MAGI1: variants seen among roughly 807,000 people sequenced by gnomAD.
MAGI1 encodes the protein membrane-associated guanylate kinase, WW and PDZ domain-containing protein 1.
MAGI1 carries 58 observed loss-of-function variants against 139.9 expected under a neutral mutation model. That is an observed-to-expected ratio of 0.41 (90% CI 0.34 to 0.52). The LOEUF is 0.52. MAGI1 is among the 20% of genes least tolerant of loss of function. The probability of loss-of-function intolerance (pLI) is 0.12; values close to 1 mark genes in which losing one functional copy is unlikely to be tolerated. For synonymous variants in MAGI1, 812 were observed against 737.9 expected (o/e 1.10, Z -1.63); for missense variants, 1,874 against 1,901.6 (o/e 0.99, Z 0.27).
intron 1 of MAGI1, among the ~76,000 whole-genome samples, chr3:65,934,363 G>A (rs928119325): frequency 1.3e-5 from 2 of 151,532 alleles, no homozygotes; most frequent in Non-Finnish European, 2.9e-5. Flanking sequence ...TCCCAAAATG[G>A]TAGGATTATA....
intron 1 of MAGI1, among the ~76,000 whole-genome samples, chr3:65,728,449 T>C (rs1428066676): frequency 6.6e-6 from 1 of 152,196 alleles, no homozygotes; most frequent in Admixed American, 6.5e-5. Context: ...TGACATGATT[T>C]CTGTTGTTAA....
At chr3:65,976,762 G>A (rs561925712) in intron 1 of MAGI1, among the ~76,000 whole-genome samples, 6 of 152,246 alleles carry the variant, frequency 3.9e-5, no homozygotes, top group African/African-American at 1.2e-4. Context: ...AGAATTAATC[G>A]AAACACACTT....
At chr3:65,860,250 A>T (rs2372152) in intron 1 of MAGI1, among the ~76,000 whole-genome samples, 2,898 of 151,914 alleles carry the variant, frequency 0.019, 43 homozygotes, top group Non-Finnish European at 0.03. Context: ...AACAAAACTC[A>T]CTGTTCTACT....
chr3:65,425,151 C>G (rs908527314), intron 12 of MAGI1, among the ~76,000 whole-genome samples: 4 of 139,094 alleles, frequency 2.9e-5, no homozygotes, highest in Non-Finnish European at 4.7e-5. Flanking sequence ...AACACACATG[C>G]CTAAACATCA....
intron 1 of MAGI1, among the ~76,000 whole-genome samples, chr3:65,675,866 G>A (rs549206190): frequency 9.2e-5 from 14 of 152,306 alleles, no homozygotes; most frequent in African/African-American, 3.4e-4. Flanking sequence ...CAATTGGGCT[G>A]AGCTGCTCTT....
chr3:65,683,765 T>C (rs1269833209), intron 1 of MAGI1, among the ~76,000 whole-genome samples: 1 of 151,680 alleles, frequency 6.6e-6, no homozygotes, highest in Non-Finnish European at 1.5e-5. Context: ...TTCACACCTA[T>C]CAGAATGGAT....
chr3:65,547,879 T>C (rs909628791), intron 2 of MAGI1, among the ~76,000 whole-genome samples: 52 of 152,170 alleles, frequency 3.4e-4, no homozygotes, highest in African/African-American at 1.1e-3. Context: ...GGGCAGAGCC[T>C]GGAGTTCAAA....
At chr3:65,736,910 A>C (rs1190035698) in intron 1 of MAGI1, among the ~76,000 whole-genome samples, 3 of 152,190 alleles carry the variant, frequency 2.0e-5, no homozygotes, top group African/African-American at 4.8e-5. Flanking sequence ...CTCACTATTA[A>C]TTTCAAAGGC....
At chr3:65,833,469 C>T (rs1345627666) in intron 1 of MAGI1, among the ~76,000 whole-genome samples, 3 of 152,100 alleles carry the variant, frequency 2.0e-5, no homozygotes, top group African/African-American at 4.8e-5. Flanking sequence ...TCCGGCTTCC[C>T]CAGTAGCATC....
intron 1 of MAGI1, chr3:65,902,703 C>T (rs1034875633): frequency 6.6e-6 from 1 of 152,616 alleles, no homozygotes; most frequent in African/African-American, 2.4e-5. Flanking sequence ...TCTGCTCGTA[C>T]CTGAATGCAG....
chr3:65,598,187 G>A (rs1320604157), intron 2 of MAGI1, among the ~76,000 whole-genome samples: 1 of 151,806 alleles, frequency 6.6e-6, no homozygotes, highest in Non-Finnish European at 1.5e-5. Context: ...GAGGCTGCCG[G>A]ATATCTAGGC....
intron 2 of MAGI1, among the ~76,000 whole-genome samples, chr3:65,607,049 TCC>T (rs2082778825): frequency 6.6e-6 from 1 of 152,008 alleles, no homozygotes; most frequent in East Asian, 1.9e-4. Flanking sequence ...ACTGCCTAAG[TCC>T]CTATGATTTT....
chr3:65,449,947 G>A (rs1297956525), intron 6 of MAGI1, among the ~76,000 whole-genome samples: 1 of 152,164 alleles, frequency 6.6e-6, no homozygotes, highest in Non-Finnish European at 1.5e-5. Flanking sequence ...AGTATAACCT[G>A]AAGGATATGC....
intron 1 of MAGI1, among the ~76,000 whole-genome samples, chr3:65,642,944 C>A (rs1216903576): frequency 6.6e-6 from 1 of 152,182 alleles, no homozygotes; most frequent in African/African-American, 2.4e-5. Context: ...CTTGAAGAAA[C>A]AGAAGGCTCT....
intron 1 of MAGI1, among the ~76,000 whole-genome samples, chr3:65,734,469 AAAAAG>A (rs1390002071): frequency 2.6e-5 from 4 of 151,328 alleles, no homozygotes; most frequent in African/African-American, 9.7e-5. Context: ...AGAAAAAAAA[AAAAAG>A]AAAGAAGAGA....
At chr3:65,886,839 G>A (rs980741292) in intron 1 of MAGI1, among the ~76,000 whole-genome samples, 1 of 152,132 alleles carries the variant, frequency 6.6e-6, no homozygotes, top group African/African-American at 2.4e-5. Flanking sequence ...CCTATATGTT[G>A]GCTGATACAC....
chr3:65,429,821 A>C lies in MAGI1; in HGVS notation c.1866T>G (p.His622Gln), dbSNP rs1280131870. The stretch of plus-strand genomic sequence containing the variant: ...AAGAAACAGTGTCATTAGGATAACC[A>C]TGAGAACTATTTGAAGCCACGTCCG... ...SPADVASNSSHGYPNDTVSLA... is the reference protein window; with the variant it reads ...SPADVASNSSQGYPNDTVSLA... The change falls in exon 12 of 23, where the codon CAT (histidine) becomes CAG (glutamine). Residue 622 changes from histidine to glutamine, a missense_variant. Around this residue, in one of 5 missense-constraint regions of MAGI1, gnomAD observed 482 missense variants for 509.6 expected, o/e 0.95. Coordinates refer to ENST00000402939, the MANE Select transcript of MAGI1 (RefSeq NM_001033057.2). 6.2e-7 allele frequency: 1 copy of C among 1,613,866 alleles called. No individual in the cohort carries two copies. Among genetic ancestry groups the C allele is most frequent in the Non-Finnish European group, 8.5e-7 (1 of 1,179,952 alleles).
intron 1 of MAGI1, among the ~76,000 whole-genome samples, chr3:66,032,486 C>T (rs1463873663): frequency 6.7e-6 from 1 of 149,328 alleles, no homozygotes. Flanking sequence ...TCCCAAAGTG[C>T]TGGGATTACA....
chr3:65,684,061 C>T (rs2087806543), intron 1 of MAGI1, among the ~76,000 whole-genome samples: 1 of 149,008 alleles, frequency 6.7e-6, no homozygotes, highest in Non-Finnish European at 1.5e-5. Context: ...ATAGTCCCAG[C>T]TACCTGGGAG....
Sources: allele counts gnomAD v4.1 joint callset (sites outside exome capture counted in the v4.1 genomes callset), GRCh38; gene constraint gnomAD v4.1.1; regional missense constraint gnomAD v4.1.1; transcripts MANE v1.5; gene names NCBI Gene and HGNC (gene_info 2026-07-23, HGNC 2026-07-21).